The following FOXO1 variants were observed in gnomAD, a reference collection of about 807,000 sequenced individuals.
FOXO1 encodes forkhead box O1.
A neutral mutation model predicts 44.1 loss-of-function variants in FOXO1; 6 were observed. The ratio of observed to expected loss-of-function variants is 0.14; its 90% confidence interval spans 0.07 to 0.27. The LOEUF (loss-of-function observed/expected upper bound fraction) is 0.27. FOXO1 is among the 10% of genes least tolerant of loss of function. FOXO1 has a pLI of 1.00. For missense variants in FOXO1, 737 were observed against 888.8 expected, an observed-to-expected ratio of 0.83 and a Z score of 2.17; for synonymous variants, 380 against 362.7, an observed-to-expected ratio of 1.05 and a Z score of -0.54.
chr13:40,569,680 G>A (rs537311534), intron 1 of FOXO1, among the ~76,000 whole-genome samples: 367 of 152,296 alleles, frequency 2.4e-3, no homozygotes, highest in Middle Eastern at 0.017. Flanking sequence ...ATATTCTGTC[G>A]GTTTTTGAGG....
chr13:40,595,905 G>A (rs1023054898), intron 1 of FOXO1, among the ~76,000 whole-genome samples: 1 of 150,220 alleles, frequency 6.7e-6, no homozygotes, highest in African/African-American at 2.5e-5. Flanking sequence ...CTTTCCCTCT[G>A]GTTAGTCGTA....
chr13:40,620,640 C>A (rs1448544717), intron 1 of FOXO1: 2 of 410,966 alleles, frequency 4.9e-6, no homozygotes, highest in Non-Finnish European at 9.2e-6. Context: ...GCAGCCAGCA[C>A]AGGGAACGGG....
chr13:40,632,609 G>C (rs1215288465), intron 1 of FOXO1, among the ~76,000 whole-genome samples: 1 of 151,630 alleles, frequency 6.6e-6, no homozygotes, highest in Non-Finnish European at 1.5e-5. Context: ...TTGTACTACA[G>C]CCTGAGCGAC....
At chr13:40,572,952 G>T (rs1023830133) in intron 1 of FOXO1, among the ~76,000 whole-genome samples, 3 of 152,138 alleles carry the variant, frequency 2.0e-5, no homozygotes, top group African/African-American at 7.2e-5. Context: ...CGTGTTTGGG[G>T]ACTCCAAAAG....
rs1234164049 is a variant in FOXO1, at chr13:40,556,683, C to T, written c.*2366G>A. 6.6e-6 allele frequency: 1 copy of T among 152,284 alleles called. No individual in the cohort carries two copies. The highest frequency in any genetic ancestry group is 1.5e-5 in the Non-Finnish European group (1 of 68,046). 9.4% of individuals were successfully genotyped at this position (152,284 alleles called of 1,614,324 possible). On this transcript the variant is annotated 3_prime_UTR_variant, in exon 3 of 3. Coordinates refer to ENST00000379561, the MANE Select transcript of FOXO1 (RefSeq NM_002015.4). ...AAGGATTCATGACAGGATTTCAACA[C>T]ACAATGGGGGCTTGGGAGAGGTATA...
intron 1 of FOXO1, among the ~76,000 whole-genome samples, chr13:40,594,051 G>A (rs1875486400): frequency 6.6e-6 from 1 of 152,128 alleles, no homozygotes; most frequent in Non-Finnish European, 1.5e-5. Context: ...CCCTAAAGAT[G>A]GGGCAGTGGG....
chr13:40,576,480 T>A (rs897381961), intron 1 of FOXO1, among the ~76,000 whole-genome samples: 1 of 152,188 alleles, frequency 6.6e-6, no homozygotes. Context: ...TGGGTGTCTG[T>A]ATTTTTGCAT....
intron 1 of FOXO1, among the ~76,000 whole-genome samples, chr13:40,562,279 G>A (rs1003734205): frequency 6.6e-6 from 1 of 152,134 alleles, no homozygotes; most frequent in African/African-American, 2.4e-5. Context: ...GACAGAGAAC[G>A]CAAAGAGCTC....
chr13:40,628,355 T>TTA (rs1876853934), intron 1 of FOXO1, among the ~76,000 whole-genome samples: 1 of 102,734 alleles, frequency 9.7e-6, no homozygotes, highest in Non-Finnish European at 1.9e-5. Context: ...AAAGAGCTGT[T>TTA]TACACACACA....
intron 1 of FOXO1, among the ~76,000 whole-genome samples, chr13:40,602,832 T>C (rs377083070): frequency 6.6e-6 from 1 of 152,294 alleles, no homozygotes; most frequent in East Asian, 1.9e-4. Context: ...CATGTGAAGA[T>C]GGTCCCAAAT....
At chr13:40,586,209 C>T (rs1439595322) in intron 1 of FOXO1, among the ~76,000 whole-genome samples, 2 of 152,270 alleles carry the variant, frequency 1.3e-5, no homozygotes, top group East Asian at 1.9e-4. Context: ...AATGGCTAAG[C>T]ACAGTACTAT....
At chr13:40,573,964 C>A (rs528292496) in intron 1 of FOXO1, among the ~76,000 whole-genome samples, 2 of 152,302 alleles carry the variant, frequency 1.3e-5, no homozygotes, top group South Asian at 4.1e-4. Flanking sequence ...CAATAATTTG[C>A]GATGGTACAC....
intron 1 of FOXO1, among the ~76,000 whole-genome samples, chr13:40,599,123 T>C (rs1171781626): frequency 2.1e-5 from 2 of 95,722 alleles, no homozygotes; most frequent in Middle Eastern, 6.7e-3. Flanking sequence ...ATTTACACTA[T>C]AAACAAGAAA....
intron 1 of FOXO1, among the ~76,000 whole-genome samples, chr13:40,655,698 C>T (rs748022874): frequency 3.9e-5 from 5 of 127,294 alleles, no homozygotes; most frequent in Admixed American, 1.0e-4. Context: ...GCCGGAGTGT[C>T]GTGGCATAAT....
At chr13:40,622,838 A>C (rs1181400480) in intron 1 of FOXO1, among the ~76,000 whole-genome samples, 1 of 152,196 alleles carries the variant, frequency 6.6e-6, no homozygotes, top group Non-Finnish European at 1.5e-5. Flanking sequence ...TCATTCCCTA[A>C]GGATCACTAT....
chr13:40,632,435 C>T (rs111974978), intron 1 of FOXO1, among the ~76,000 whole-genome samples: 120 of 152,162 alleles, frequency 7.9e-4, no homozygotes, highest in African/African-American at 2.7e-3. Context: ...CCCCGGAGTT[C>T]GAGACCAGCC....
intron 1 of FOXO1, among the ~76,000 whole-genome samples, chr13:40,569,149 T>C (rs1228746648): frequency 6.6e-6 from 1 of 152,152 alleles, no homozygotes; most frequent in Non-Finnish European, 1.5e-5. Context: ...AAAAGGAATG[T>C]AGGAGATTAT....
At chr13:40,615,462 G>A (rs1876387760) in intron 1 of FOXO1, among the ~76,000 whole-genome samples, 2 of 152,086 alleles carry the variant, frequency 1.3e-5, no homozygotes, top group African/African-American at 4.8e-5. Flanking sequence ...AACCCAGGAG[G>A]TGGAGGTTGC....
chr13:40,637,170 G>A (rs150455540), intron 1 of FOXO1, among the ~76,000 whole-genome samples: 3 of 152,118 alleles, frequency 2.0e-5, no homozygotes, highest in Non-Finnish European at 2.9e-5. Context: ...ATGGCCGAGC[G>A]CGGTGGCTCA....
Sources: gnomAD v4.1 joint callset for allele counts (sites outside exome capture counted in the v4.1 genomes callset) on GRCh38, gnomAD v4.1.1 for gene constraint, MANE v1.5 for transcripts, NCBI Gene and HGNC (gene_info 2026-07-23, HGNC 2026-07-21) for gene names.